TMX3: variants seen among roughly 807,000 people sequenced by gnomAD.
TMX3 encodes the protein thioredoxin related transmembrane protein 3.
Under a neutral mutation model 64.4 loss-of-function variants are expected in TMX3, and 40 were observed. That is an observed-to-expected ratio of 0.62 (90% CI 0.48 to 0.81). The LOEUF (loss-of-function observed/expected upper bound fraction) is 0.81. Ranked by LOEUF, TMX3 falls within the 30% of genes least tolerant of loss-of-function variation. The pLI is 0.00. For synonymous variants in TMX3, 189 were observed against 175.7 expected, an observed-to-expected ratio of 1.08 and a Z score of -0.60; for missense variants, 497 against 534.5, an observed-to-expected ratio of 0.93 and a Z score of 0.69.
chr18:68,709,945 T>C, intron 4 of TMX3, 76 bp downstream of exon 4: 1 of 1,405,936 alleles, frequency 7.1e-7, no homozygotes, highest in South Asian at 1.6e-5. Context: ...AAAGTCTTCC[T>C]CCCACCCTGA....
chr18:68,682,979 T>C lies in TMX3; in HGVS notation c.851A>G (p.Asp284Gly). Residue 284 changes from aspartate (D) to glycine (G), a missense_variant and splice_region_variant, in exon 13 of 16, where the codon GAT becomes GGT. Physicochemically the swap from Asp to Gly is moderately conservative, Grantham distance 94 (BLOSUM62 -1). Transcript: ENST00000299608. ...TCCATCCATGTGGCCAAACTGAAAA[T>C]CCCTAACCACCACCAACCAAAAATA... ...ARDYRDLFHR[D>G]FQFGHMDGND... 6.2e-7 allele frequency: 1 copy of C among 1,607,376 alleles called. No individual in the cohort carries two copies. Among genetic ancestry groups the C allele is most frequent in the Non-Finnish European group, 8.5e-7 (1 of 1,176,456 alleles).
At chr18:68,684,351 T>C (rs1055460948) in intron 11 of TMX3, 77 bp downstream of exon 11, 2 of 1,507,446 alleles carry the variant, frequency 1.3e-6, no homozygotes, top group East Asian at 2.3e-5. Context: ...AAAAGTAAGA[T>C]ACCATATCAA....
chr18:68,713,928 A>G (rs760113511), intron 1 of TMX3, 28 bp from the exon 2 acceptor site: 1 of 1,490,090 alleles, frequency 6.7e-7, no homozygotes, highest in Non-Finnish European at 9.2e-7. Flanking sequence ...AATGTACACA[A>G]TAAATGCTGA....
At chr18:68,689,396 T>TG (rs1914290625) in intron 9 of TMX3, among the ~76,000 whole-genome samples, 2 of 151,724 alleles carry the variant, frequency 1.3e-5, no homozygotes, top group African/African-American at 4.8e-5. Flanking sequence ...GATCAGTGTT[T>TG]TTTTTTTTTT....
At chr18:68,682,423 T>C (rs1319288691) in intron 13 of TMX3, among the ~76,000 whole-genome samples, 1 of 152,192 alleles carries the variant, frequency 6.6e-6, no homozygotes. Flanking sequence ...TCTACTCAAA[T>C]AAATTCTAGA....
chr18:68,715,083 A>C lies in TMX3; in HGVS notation c.-102T>G, dbSNP rs1304519068. 4 of 1,536,980 alleles carry C rather than the reference A, an allele frequency of 2.6e-6. No homozygotes were observed. Among genetic ancestry groups the C allele is most frequent in the East Asian group, 2.5e-5 (1 of 40,152 alleles). On this transcript the variant is annotated 5_prime_UTR_variant, in exon 1 of 16. Transcript: ENST00000299608. ...GGAAAGGGAAACGGAGCCGACCCGG[A>C]GCGGAAGAGAAGCACCGCGCTAACT... is the stretch of plus-strand genomic sequence containing the variant.
chr18:68,693,352 C>T (rs566843341), intron 8 of TMX3, among the ~76,000 whole-genome samples: 104 of 152,186 alleles, frequency 6.8e-4, no homozygotes, highest in Non-Finnish European at 6.5e-4. Flanking sequence ...CCCACGCTCC[C>T]GGGTATAGCT....
chr18:68,688,583 G>C (rs1328304700), intron 9 of TMX3: 1 of 152,094 alleles, frequency 6.6e-6, no homozygotes, highest in Non-Finnish European at 1.5e-5. Flanking sequence ...CCTCTTCAAA[G>C]GTATGCTTTT....
rs117736700 is a variant in TMX3, at chr18:68,679,914, T to C, written c.1036-383A>G. On this transcript the variant is annotated intron_variant, in intron 14 of 15. Coordinates refer to ENST00000299608, the MANE Select transcript of TMX3 (RefSeq NM_019022.5). ...GGGAGAGCTTCCCTGAGGATGAAAG[T>C]GCTGAAGGGAAGAGAGTGAAAAATT... Among the ~76,000 whole-genome samples, 1,396 of 152,252 alleles carry C rather than the reference T, an allele frequency of 9.2e-3. 15 individuals carry two copies. The highest frequency in any genetic ancestry group is 0.017 in the Middle Eastern group (5 of 294).
chr18:68,684,237 C>T lies in TMX3; in HGVS notation c.801G>A (p.Lys267=). The change falls in exon 12 of 16, where the codon AAG becomes AAA. Residue 267 remains lysine (K), a synonymous_variant. Transcript: ENST00000299608. ...CTCTTGCAACTTCCTGAATAATTGA[C>T]TTCAATCTGTAGAAGAACAAACATA... The part of the protein sequence containing the change: ...KNTSVEHTRL[K]SIIQEVARDY... 1 of 1,611,596 alleles carries T rather than the reference C, an allele frequency of 6.2e-7. No homozygotes were observed. The highest frequency in any genetic ancestry group is 8.5e-7 in the Non-Finnish European group (1 of 1,178,260).
intron 1 of TMX3, 65 bp from the exon 2 acceptor site, chr18:68,713,965 A>G: frequency 8.4e-7 from 1 of 1,192,942 alleles, no homozygotes; most frequent in South Asian, 1.4e-5. Flanking sequence ...GTATAAGCTT[A>G]GTCATCTCTG....
intron 8 of TMX3, among the ~76,000 whole-genome samples, 183 bp from the exon 9 acceptor site, chr18:68,691,544 T>C (rs1359894251): frequency 4.6e-5 from 7 of 152,220 alleles, no homozygotes; most frequent in Non-Finnish European, 8.8e-5. Flanking sequence ...ATCTGAATCT[T>C]TTTATATATC....
intron 4 of TMX3, among the ~76,000 whole-genome samples, chr18:68,703,654 A>T (rs993114369): frequency 2.0e-5 from 3 of 152,222 alleles, no homozygotes; most frequent in African/African-American, 7.2e-5. Flanking sequence ...TTCCTCTAAA[A>T]GGGAATGACA....
chr18:68,691,231 TA>T, intron 9 of TMX3, 63 bp downstream of exon 9: 1 of 1,150,934 alleles, frequency 8.7e-7, no homozygotes, highest in Non-Finnish European at 1.2e-6. Flanking sequence ...TCTTTACACC[TA>T]AGTTGTATAA....
At chr18:68,692,307 A>T (rs1457417169) in intron 8 of TMX3, among the ~76,000 whole-genome samples, 2 of 152,182 alleles carry the variant, frequency 1.3e-5, no homozygotes, top group Non-Finnish European at 2.9e-5. Flanking sequence ...AATAGTTCTT[A>T]CTAGAACACA....
chr18:68,690,340 T>C (rs1215862528), intron 9 of TMX3, among the ~76,000 whole-genome samples: 2 of 152,196 alleles, frequency 1.3e-5, no homozygotes, highest in Admixed American at 6.5e-5. Context: ...TTAAATTTTA[T>C]TGAATTAGAA....
intron 4 of TMX3, among the ~76,000 whole-genome samples, chr18:68,703,132 C>G (rs967079740): frequency 2.0e-5 from 3 of 152,138 alleles, no homozygotes; most frequent in African/African-American, 7.2e-5. Context: ...CTGCTTTCTT[C>G]CCAGCAAAAA....
At position 68,684,500 on chromosome 18, in the gene TMX3, G is replaced by T; in HGVS notation, c.737-15C>A. ...CACAAGCTTTCCTGAAATAAAGAAT[G>T]ACACATCTGAATTCAATCACCCTTA... is the stretch of plus-strand genomic sequence containing the variant. On this transcript the variant is annotated splice_polypyrimidine_tract_variant and intron_variant, in intron 10 of 15. Transcript: ENST00000299608. 6.2e-7 allele frequency: 1 copy of T among 1,609,402 alleles called. No homozygotes were observed. The highest frequency in any genetic ancestry group is 1.7e-5 in the Admixed American group (1 of 59,868).
At chr18:68,709,673 T>A (rs2031060646) in intron 4 of TMX3, among the ~76,000 whole-genome samples, 2 of 152,168 alleles carry the variant, frequency 1.3e-5, no homozygotes, top group South Asian at 4.1e-4. Flanking sequence ...TCCCATTTTT[T>A]CTTTACAGCA....
Sources: allele counts gnomAD v4.1 joint callset (sites outside exome capture counted in the v4.1 genomes callset), GRCh38; gene constraint gnomAD v4.1.1; transcripts MANE v1.5; gene names NCBI Gene and HGNC (gene_info 2026-07-23, HGNC 2026-07-21).